ILKAP: variants seen among roughly 807,000 people sequenced by gnomAD.
ILKAP encodes the protein ILK associated serine/threonine phosphatase.
ILKAP carries 11 observed loss-of-function variants against 49.1 expected under a neutral mutation model. The ratio of observed to expected loss-of-function variants is 0.22; its 90% CI spans 0.14 to 0.37. The LOEUF is 0.37. ILKAP is among the 10% of genes least tolerant of loss of function. ILKAP has a pLI of 1.00. For missense variants in ILKAP, 363 were observed against 510.8 expected, an observed-to-expected ratio of 0.71 and a Z score of 2.79; for synonymous variants, 186 against 192.8, an observed-to-expected ratio of 0.96 and a Z score of 0.29.
chr2:238,176,161 T>G (rs1157000862), intron 9 of ILKAP, among the ~76,000 whole-genome samples: 3 of 103,850 alleles, frequency 2.9e-5, no homozygotes, highest in Admixed American at 1.4e-4. Flanking sequence ...TGAGACAGAG[T>G]CTCACTCTAT....
At chr2:238,180,649 G>A (rs751816575) in intron 9 of ILKAP, among the ~76,000 whole-genome samples, 1 of 152,204 alleles carries the variant, frequency 6.6e-6, no homozygotes, top group Non-Finnish European at 1.5e-5. Flanking sequence ...AGCGACCCAC[G>A]CTGCTGGTCT....
chr2:238,203,610 C>A lies in ILKAP; in HGVS notation c.-57G>T. On this transcript the variant is annotated 5_prime_UTR_variant, in exon 1 of 12. Coordinates refer to ENST00000254654, the MANE Select transcript of ILKAP (RefSeq NM_030768.3). ...CAGACACTCAGCCCGCGAGCAGCGGCCGGGCTCCACACCCCGGGCGGGCGG... is the reference window on the plus strand; with the variant it reads ...CAGACACTCAGCCCGCGAGCAGCGGACGGGCTCCACACCCCGGGCGGGCGG... The A allele has an allele frequency of 5.7e-6, 6 of 1,046,544 alleles. No individual in the cohort carries two copies. Among genetic ancestry groups the A allele is most frequent in the Non-Finnish European group, 7.1e-6 (6 of 845,812 alleles). The allele number at this position is 1,046,544 out of a possible 1,614,324, so 64.8% of individuals were successfully genotyped here. A position where few individuals can be genotyped will look rare whatever the true frequency, so the allele number is the denominator to read the frequency against.
chr2:238,192,928 G>A (rs568594195), intron 3 of ILKAP, among the ~76,000 whole-genome samples: 4 of 151,934 alleles, frequency 2.6e-5, no homozygotes, highest in Admixed American at 6.5e-5. Context: ...CAGGAGAATC[G>A]CTTAAACCCG....
intron 9 of ILKAP, among the ~76,000 whole-genome samples, chr2:238,178,136 G>C (rs1297194697): frequency 5.3e-5 from 8 of 152,148 alleles, no homozygotes; most frequent in Admixed American, 5.2e-4. Flanking sequence ...GCTTTAGTGA[G>C]GTATATCTAA....
At chr2:238,171,157 TTTC>T (rs1034928068) in intron 10 of ILKAP, 133 bp from the exon 11 acceptor site, 5 of 593,572 alleles carry the variant, frequency 8.4e-6, no homozygotes, top group Middle Eastern at 4.7e-4. Flanking sequence ...TTTTTTCTTT[TTTC>T]TTTTTTTTTT....
At chr2:238,185,325 G>A in intron 5 of ILKAP, 38 bp from the exon 6 acceptor site, 1 of 1,283,938 alleles carries the variant, frequency 7.8e-7, no homozygotes, top group South Asian at 1.2e-5. Context: ...AATTCTCACA[G>A]CAAAAACCAC....
chr2:238,180,535 TTCTG>T (rs1436944703), intron 9 of ILKAP, among the ~76,000 whole-genome samples: 2 of 152,252 alleles, frequency 1.3e-5, no homozygotes, highest in African/African-American at 4.8e-5. Flanking sequence ...GTCAAGTTTC[TTCTG>T]TATGTCTGAA....
chr2:238,189,293 G>C (rs1383940628), intron 4 of ILKAP, among the ~76,000 whole-genome samples: 1 of 151,584 alleles, frequency 6.6e-6, no homozygotes, highest in Non-Finnish European at 1.5e-5. Context: ...CTGGGCGACA[G>C]AGCGAGACTC....
intron 6 of ILKAP, among the ~76,000 whole-genome samples, chr2:238,184,734 T>G (rs1329862772): frequency 1.4e-5 from 2 of 147,968 alleles, no homozygotes; most frequent in Non-Finnish European, 3.0e-5. Context: ...TTAGGTTTGT[T>G]TTTTTTTTTT....
intron 2 of ILKAP, 71 bp downstream of exon 2, chr2:238,194,734 G>A: frequency 6.9e-7 from 1 of 1,453,836 alleles, no homozygotes; most frequent in South Asian, 1.1e-5. Context: ...AAGGGAAAAA[G>A]ATTGAGACAA....
rs1018152515 is a variant in ILKAP at position 238,181,946 on chromosome 2, C to A, written c.836+119G>T. ...TATGTCACCAGTGTTAGATCTCAGA[C>A]AGAGCCTCGTCACACTGAAGACTAC... On this transcript the variant is annotated intron_variant, in intron 9 of 11. Coordinates refer to ENST00000254654, the MANE Select transcript of ILKAP (RefSeq NM_030768.3). The A allele has an allele frequency of 5.6e-6, 6 of 1,071,720 alleles. No individual in the cohort carries two copies. The Admixed American group carries it at 1.3e-4, about 24-fold the overall frequency. 66.4% of individuals were successfully genotyped at this position (1,071,720 alleles called of 1,614,324 possible). A position where few individuals can be genotyped will look rare whatever the true frequency, so the allele number is the denominator to read the frequency against.
chr2:238,176,135 C>CTTTTTTTTTTTTTT, intron 9 of ILKAP, among the ~76,000 whole-genome samples: 1 of 98,014 alleles, frequency 1.0e-5, no homozygotes, highest in Non-Finnish European at 1.8e-5. Flanking sequence ...CAAGTAGTGG[C>CTTTTTTTTTTTTTT]TTTTTTTTTT....
intron 1 of ILKAP, among the ~76,000 whole-genome samples, chr2:238,199,303 C>T (rs891161400): frequency 2.0e-5 from 3 of 152,222 alleles, no homozygotes; most frequent in African/African-American, 7.2e-5. Flanking sequence ...TGCTAGACTG[C>T]TCGTCAAAGG....
intron 1 of ILKAP, among the ~76,000 whole-genome samples, chr2:238,196,273 T>G (rs1327635760): frequency 6.6e-6 from 1 of 152,014 alleles, no homozygotes; most frequent in Non-Finnish European, 1.5e-5. Flanking sequence ...GTATTTTTAG[T>G]AGAGACATGG....
intron 1 of ILKAP, among the ~76,000 whole-genome samples, chr2:238,198,663 C>G (rs1320881181): frequency 1.3e-5 from 2 of 152,088 alleles, no homozygotes; most frequent in African/African-American, 4.8e-5. Context: ...TATTAGAACC[C>G]TAATAAGAAT....
intron 10 of ILKAP, 140 bp from the exon 11 acceptor site, chr2:238,171,164 T>C (rs978184271): frequency 7.1e-5 from 40 of 564,246 alleles, no homozygotes; most frequent in African/African-American, 6.6e-4. Context: ...TTTTTTCTTT[T>C]TTTTTTTTTT....
intron 2 of ILKAP, 75 bp from the exon 3 acceptor site, chr2:238,194,406 G>T: frequency 7.3e-7 from 1 of 1,375,306 alleles, no homozygotes; most frequent in Non-Finnish European, 1.0e-6. Flanking sequence ...ATCCCACCAG[G>T]ACACCTATGT....
rs34504570 is a variant in ILKAP, at chr2:238,196,086, CTTTTTTTTTTTTTTTTT to C, written c.56-1233_56-1217del. Among the ~76,000 whole-genome samples the C allele has an allele frequency of 1.6e-3, 123 of 77,480 alleles. 3 individuals carry two copies. Among genetic ancestry groups the C allele is most frequent in the African/African-American group, 6.4e-3 (120 of 18,658 alleles). 50.8% of individuals were successfully genotyped at this position (77,480 alleles called of 152,430 possible). On this transcript the variant is annotated intron_variant, in intron 1 of 11. Transcript: ENST00000254654. The stretch of plus-strand genomic sequence containing the variant: ...AAGTACTCACTTAAAAACCAATTCA[CTTTTTTTTTTTTTTTTT>C]TTTTTTTTGAGACTGAGTCTCACTC...
In ILKAP at chr2:238,182,147, C is replaced by T; in HGVS notation, c.754G>A (p.Ala252Thr). The T allele has an allele frequency of 6.2e-7, 1 of 1,613,888 alleles. No homozygotes were observed. Among genetic ancestry groups the T allele is most frequent in the South Asian group, 1.1e-5 (1 of 91,080 alleles). ...CRYNEESQKH[A>T]ALSLSKEHNP... ...TGCTCTTTGCTGAGGCTTAAGGCTG[C>T]ATGTTTTTGACTCTCCTCATTATAA... Residue 252 changes from alanine (A) to threonine (T), a missense_variant, in exon 9 of 12, where the codon GCA becomes ACA. Around this residue, in one of 3 missense-constraint regions of ILKAP, gnomAD observed 166 missense variants for 307.3 expected, o/e 0.54. Transcript: ENST00000254654.
Sources: gnomAD v4.1 joint callset for allele counts (sites outside exome capture counted in the v4.1 genomes callset) on GRCh38, gnomAD v4.1.1 for gene constraint, gnomAD v4.1.1 regional missense constraint, MANE v1.5 for transcripts, NCBI Gene and HGNC (gene_info 2026-07-23, HGNC 2026-07-21) for gene names.